Variants in DNAJC1 observed in about 807,000 individuals in gnomAD.
DNAJC1 encodes the protein DnaJ heat shock protein family (Hsp40) member C1.
DNAJC1 carries 58 observed loss-of-function variants against 76.6 expected under a neutral mutation model. The observed-to-expected ratio is 0.76, with a 90% CI of 0.61 to 0.94. DNAJC1 has a LOEUF of 0.94. Ranked by LOEUF, DNAJC1 falls within the 40% of genes least tolerant of loss-of-function variation. The pLI is 0.00. For synonymous variants in DNAJC1, 258 were observed against 267.9 expected (o/e 0.96, Z 0.36); for missense variants, 689 against 677.3 (o/e 1.02, Z -0.19).
At chr10:21,978,105 T>C (rs1413761017) in intron 1 of DNAJC1, among the ~76,000 whole-genome samples, 2 of 152,138 alleles carry the variant, frequency 1.3e-5, no homozygotes, top group East Asian at 1.9e-4. Context: ...TCCTCACAAG[T>C]TCTTCCATCT....
chr10:21,896,118 G>A (rs1374700579), intron 7 of DNAJC1, among the ~76,000 whole-genome samples: 1 of 152,208 alleles, frequency 6.6e-6, no homozygotes, highest in African/African-American at 2.4e-5. Context: ...AGGTGGGGCT[G>A]CTAGAGACAG....
At chr10:21,995,230 G>A (rs956049535) in intron 1 of DNAJC1, among the ~76,000 whole-genome samples, 1 of 152,094 alleles carries the variant, frequency 6.6e-6, no homozygotes. Flanking sequence ...GAAATAAGAA[G>A]TTTCTACCTT....
intron 9 of DNAJC1, among the ~76,000 whole-genome samples, chr10:21,801,283 T>C (rs1834810415): frequency 6.6e-6 from 1 of 151,946 alleles, no homozygotes; most frequent in Non-Finnish European, 1.5e-5. Flanking sequence ...ATATCCAGCA[T>C]CTATAAGGAG....
chr10:21,851,175 C>G (rs1835745655), intron 8 of DNAJC1, among the ~76,000 whole-genome samples: 1 of 152,028 alleles, frequency 6.6e-6, no homozygotes, highest in Non-Finnish European at 1.5e-5. Context: ...AACTTTTGTG[C>G]ATGAAAGAAC....
chr10:21,883,251 A>AACACACAC (rs3032395), intron 7 of DNAJC1, among the ~76,000 whole-genome samples: 27,767 of 128,690 alleles, frequency 0.22, 3,405 homozygotes, highest in East Asian at 0.36. Flanking sequence ...TTCTATCTCA[A>AACACACAC]ACACACACAC....
chr10:21,867,152 A>T (rs901596346), intron 8 of DNAJC1, among the ~76,000 whole-genome samples: 1 of 152,140 alleles, frequency 6.6e-6, no homozygotes, highest in Non-Finnish European at 1.5e-5. Flanking sequence ...AGAAAAAATA[A>T]AACAGTTGAA....
At chr10:21,890,757 A>G (rs551384164) in intron 7 of DNAJC1, among the ~76,000 whole-genome samples, 1 of 152,322 alleles carries the variant, frequency 6.6e-6, no homozygotes, top group African/African-American at 2.4e-5. Context: ...GCTAAAACAG[A>G]AGACTTAAAT....
intron 8 of DNAJC1, among the ~76,000 whole-genome samples, chr10:21,872,002 T>C (rs758629465): frequency 2.7e-5 from 4 of 149,864 alleles, no homozygotes; most frequent in Non-Finnish European, 4.4e-5. Context: ...ATGGCTGACA[T>C]AAAGAAAAAA....
chr10:21,954,996 T>C (rs1459177367), intron 1 of DNAJC1, among the ~76,000 whole-genome samples: 1 of 152,026 alleles, frequency 6.6e-6, no homozygotes, highest in Non-Finnish European at 1.5e-5. Context: ...ACCAGGTAAT[T>C]CCTTGCTGTA....
chr10:21,822,290 T>C (rs1174629563), intron 8 of DNAJC1, among the ~76,000 whole-genome samples: 1 of 151,678 alleles, frequency 6.6e-6, no homozygotes, highest in Non-Finnish European at 1.5e-5. Flanking sequence ...AACACAAAAA[T>C]TAGCCAGGCA....
At chr10:21,795,315 A>C (rs559069129) in intron 9 of DNAJC1, among the ~76,000 whole-genome samples, 1 of 152,358 alleles carries the variant, frequency 6.6e-6, no homozygotes, top group African/African-American at 2.4e-5. Flanking sequence ...AATATGAAGA[A>C]ATGAACTGCT....
At chr10:22,001,481 C>A (rs1383332024) in intron 1 of DNAJC1, among the ~76,000 whole-genome samples, 1 of 152,190 alleles carries the variant, frequency 6.6e-6, no homozygotes, top group Non-Finnish European at 1.5e-5. Flanking sequence ...CTGGATCCTT[C>A]TTTTCGGATT....
chr10:21,813,056 TATATAC>T (rs1347899898), intron 8 of DNAJC1, among the ~76,000 whole-genome samples: 8 of 134,680 alleles, frequency 5.9e-5, no homozygotes, highest in East Asian at 2.3e-4. Flanking sequence ...CACACACATA[TATATAC>T]ATATATACAT....
chr10:21,934,572 C>T (rs1837281967), intron 1 of DNAJC1, among the ~76,000 whole-genome samples: 1 of 152,072 alleles, frequency 6.6e-6, no homozygotes. Flanking sequence ...CATTTTGTAC[C>T]TATTATACTG....
chr10:21,804,982 C>G (rs907985986), intron 9 of DNAJC1, among the ~76,000 whole-genome samples: 1 of 152,148 alleles, frequency 6.6e-6, no homozygotes, highest in South Asian at 2.1e-4. Context: ...AATTTCTGTA[C>G]GTTTCTTTCT....
In DNAJC1 at chr10:22,003,655, G is replaced by C. The variant is rs556182534; in HGVS notation, c.-221C>G. On this transcript the variant is annotated 5_prime_UTR_variant, in exon 1 of 12. Coordinates refer to ENST00000376980, the MANE Select transcript of DNAJC1 (RefSeq NM_022365.4). The stretch of plus-strand genomic sequence containing the variant: ...GTAGGCGGGCGGGGCCGCAGCCAGC[G>C]CTACGTTCCGAAGACCCTCGCCCCC... 2.2e-6 allele frequency: 1 copy of C among 447,506 alleles called. No homozygotes were observed. The highest frequency in any genetic ancestry group is 4.6e-5 in the Admixed American group (1 of 21,834). 27.7% of individuals were successfully genotyped at this position (447,506 alleles called of 1,614,324 possible).
chr10:21,779,485 G>A (rs991692220), intron 9 of DNAJC1, among the ~76,000 whole-genome samples: 1 of 152,144 alleles, frequency 6.6e-6, no homozygotes, highest in Non-Finnish European at 1.5e-5. Flanking sequence ...AGGCAAACAG[G>A]GTCTGGAGTG....
intron 1 of DNAJC1, among the ~76,000 whole-genome samples, chr10:21,947,059 G>A (rs900368496): frequency 6.6e-6 from 1 of 152,120 alleles, no homozygotes; most frequent in Non-Finnish European, 1.5e-5. Flanking sequence ...CTCCAGAACT[G>A]TAAGAAAGAA....
At chr10:21,910,666 TG>T (rs1229892085) in intron 6 of DNAJC1, among the ~76,000 whole-genome samples, 3 of 151,770 alleles carry the variant, frequency 2.0e-5, no homozygotes, top group Non-Finnish European at 2.9e-5. Context: ...TGTGGTGGGG[TG>T]GGAAGAGGGT....
Sources: gnomAD v4.1 joint callset for allele counts (sites outside exome capture counted in the v4.1 genomes callset) on GRCh38, gnomAD v4.1.1 for gene constraint, MANE v1.5 for transcripts, NCBI Gene and HGNC (gene_info 2026-07-23, HGNC 2026-07-21) for gene names.